Variants in CEMP1 observed in about 807,000 individuals in gnomAD.
The protein encoded by CEMP1 is cementum protein 1, also known as cementoblastoma-derived protein 1.
For synonymous variants in CEMP1, 161 were observed against 128.6 expected (o/e 1.25, Z -1.71); for missense variants, 387 against 316.9 (o/e 1.22, Z -1.68).
In CEMP1 at chr16:2,531,186, C is replaced by A; in HGVS notation, c.-113G>T. 1 of 1,353,768 alleles carries A rather than the reference C, an allele frequency of 7.4e-7. No homozygotes were observed. The highest frequency in any genetic ancestry group is 1.5e-5 in the African/African-American group (1 of 68,012). The allele number at this position is 1,353,768 out of a possible 1,614,324, so 83.9% of individuals were successfully genotyped here. Reference sequence around the variant, plus strand: ...TTTGGGCCTGGCCTGCCCCATTCACCGGCCAGCGCCCCACCTCCCTGGCTG... The same window carrying A: ...TTTGGGCCTGGCCTGCCCCATTCACAGGCCAGCGCCCCACCTCCCTGGCTG... On this transcript the variant is annotated 5_prime_UTR_variant, in exon 1 of 1. Transcript: ENST00000567119.
chr16:2,531,100 GT>G lies in CEMP1; in HGVS notation c.-28del, dbSNP rs767214081. The G allele has an allele frequency of 5.2e-3, 8,110 of 1,565,088 alleles. 28 individuals carry two copies. The highest frequency in any genetic ancestry group is 6.3e-3 in the Non-Finnish European group (7,202 of 1,151,668). Reference sequence around the variant, plus strand: ...CTCAGCTAAAACCCAGAGCTGGCATGTTGGTCATCCCCACCTCAGACGGGAC... The same window carrying G: ...CTCAGCTAAAACCCAGAGCTGGCATGTGGTCATCCCCACCTCAGACGGGAC... On this transcript the variant is annotated 5_prime_UTR_variant, in exon 1 of 1. The change abolishes the stop of an existing upstream ORF in the 5' untranslated region. Coordinates refer to ENST00000567119, the MANE Select transcript of CEMP1 (RefSeq NM_001048212.3).
rs1411638705 is a variant in CEMP1 at position 2,530,259 on chromosome 16, C to T, written c.*71G>A. On this transcript the variant is annotated 3_prime_UTR_variant, in exon 1 of 1. Transcript: ENST00000567119. ...CCTATCTCTTCACACATCCCCAGGC[C>T]CAGTGCTTGCCGGCTGTGGTGACCC... 1 of 1,610,270 alleles carries T rather than the reference C, an allele frequency of 6.2e-7. No homozygotes were observed. The highest frequency in any genetic ancestry group is 8.5e-7 in the Non-Finnish European group (1 of 1,178,438).
In CEMP1 at chr16:2,531,042, G is replaced by A; in HGVS notation, c.32C>T (p.Ala11Val). 1.3e-6 allele frequency: 2 copies of A among 1,598,146 alleles called. No homozygotes were observed. Among genetic ancestry groups the A allele is most frequent in the Non-Finnish European group, 1.7e-6 (2 of 1,168,120 alleles). ...AGAGGTTGAGCATCGCCTGTGCCCA[G>A]CTTGCTGGCTGTCAGTGCTTGATGT... MGTSSTDSQQAGHRRCSTSNT... is the reference protein window; with the variant it reads MGTSSTDSQQVGHRRCSTSNT... Residue 11 changes from alanine to valine, a missense_variant, in exon 1 of 1, where the codon GCT (alanine) becomes GTT (valine). Transcript: ENST00000567119.
chr16:2,530,899 CCG>C, intron 1 of CEMP1: 1 of 1,613,546 alleles, frequency 6.2e-7, no homozygotes, highest in Non-Finnish European at 8.5e-7. Context: ...GCCTTGACGG[CCG>C]CGCACCCCTT....
Position 2,531,149 on chromosome 16 carries a change from C to G in CEMP1, c.-76G>C. On this transcript the variant is annotated 5_prime_UTR_variant, in exon 1 of 1. Coordinates refer to ENST00000567119, the MANE Select transcript of CEMP1 (RefSeq NM_001048212.3). ...GACGCCCAGTCCAGAGCTGGTGAGC[C>G]CTGGGCCAGCCTTTGGGCCTGGCCT... The G allele has an allele frequency of 6.6e-7, 1 of 1,507,046 alleles. No individual in the cohort carries two copies. The highest frequency in any genetic ancestry group is 2.1e-5 in the Admixed American group (1 of 46,952). The allele number at this position is 1,507,046 out of a possible 1,614,324, so 93.4% of individuals were successfully genotyped here.
Position 2,530,406 on chromosome 16 carries a change from G to A in CEMP1, c.668C>T (p.Thr223Met), listed in dbSNP as rs558847727. Reference protein sequence around the residue: ...HPPRSCSGSLTARVCHMGVCQ... With the variant: ...HPPRSCSGSLMARVCHMGVCQ... ...CACACCCATGTGGCAAACACGGGCCGTGAGGCTCCCTGAACAGCTTCGAGG... is the reference window on the plus strand; with the variant it reads ...CACACCCATGTGGCAAACACGGGCCATGAGGCTCCCTGAACAGCTTCGAGG... Residue 223 changes from threonine (T) to methionine (M), a missense_variant, in exon 1 of 1, where the codon ACG becomes ATG. Thr to Met is a moderately conservative substitution (Grantham distance 81, BLOSUM62 -1). Transcript: ENST00000567119. 40 of 1,614,180 alleles carry A rather than the reference G, an allele frequency of 2.5e-5. No individual in the cohort carries two copies. Among genetic ancestry groups the A allele is most frequent in the South Asian group, 9.9e-5 (9 of 91,092 alleles).
chr16:2,531,300 A>C lies in CEMP1; in HGVS notation c.-227T>G. ...GGGGCCCAGGGTCAGGGTGAGAGAG[A>C]GCTGGGCCAGGGAGCTGCTGCAGGA... On this transcript the variant is annotated 5_prime_UTR_variant, in exon 1 of 1. Transcript: ENST00000567119. 1.8e-6 allele frequency: 1 copy of C among 560,770 alleles called. No homozygotes were observed. Among genetic ancestry groups the C allele is most frequent in the Non-Finnish European group, 3.2e-6 (1 of 310,196 alleles). The allele number at this position is 560,770 out of a possible 1,614,324, so 34.7% of individuals were successfully genotyped here.
Position 2,530,665 on chromosome 16 carries a change from G to A in CEMP1, c.409C>T (p.His137Tyr). ...QTILSLWTWR[H>Y]FLNWALQQRE... Reference sequence around the variant, plus strand: ...TGCTGCAAAGCCCAGTTAAGGAAATGTCTCCAGGTCCAAAGAGATAGGATG... The same window carrying A: ...TGCTGCAAAGCCCAGTTAAGGAAATATCTCCAGGTCCAAAGAGATAGGATG... Residue 137 changes from histidine to tyrosine, a missense_variant, in exon 1 of 1, where the codon CAT (histidine) becomes TAT (tyrosine). Coordinates refer to ENST00000567119, the MANE Select transcript of CEMP1 (RefSeq NM_001048212.3). 1 of 1,614,184 alleles carries A rather than the reference G, an allele frequency of 6.2e-7. No individual in the cohort carries two copies. The highest frequency in any genetic ancestry group is 1.6e-4 in the Middle Eastern group (1 of 6,062).
Position 2,530,435 on chromosome 16 carries a change from G to C in CEMP1, c.639C>G (p.His213Gln), listed in dbSNP as rs769827690. ...GGCTCCCTGAACAGCTTCGAGGCGG[G>C]TGGGCTTCTGGAGCCCTCTTGGCTC... ...VLRAKRAPEA[H>Q]PPRSCSGSLT... The change falls in exon 1 of 1, where the codon CAC becomes CAG. Residue 213 changes from histidine (H) to glutamine (Q), a missense_variant. Transcript: ENST00000567119. 6.2e-7 allele frequency: 1 copy of C among 1,614,088 alleles called. No individual in the cohort carries two copies. Among genetic ancestry groups the C allele is most frequent in the Middle Eastern group, 1.6e-4 (1 of 6,062 alleles).
At position 2,530,379 on chromosome 16, in the gene CEMP1, C is replaced by G. The variant is rs369689531; in HGVS notation, c.695G>C (p.Cys232Ser). 5.6e-6 allele frequency: 9 copies of G among 1,613,872 alleles called. No homozygotes were observed. The highest frequency in any genetic ancestry group is 1.3e-5 in the African/African-American group (1 of 74,944). The change falls in exon 1 of 1, where the codon TGC (cysteine) becomes TCC (serine). Residue 232 changes from cysteine to serine, a missense_variant. By Grantham distance (112) the Cys-to-Ser change is moderately radical (BLOSUM62 -1). Coordinates refer to ENST00000567119, the MANE Select transcript of CEMP1 (RefSeq NM_001048212.3). ...ATCTTCTGTGTCCCCTTGGCCCTGG[C>G]ACACACCCATGTGGCAAACACGGGC... ...LTARVCHMGV[C>S]QGQGDTEDGR... is the part of the protein sequence containing the mutation.
Position 2,530,441 on chromosome 16 carries a change from T to C in CEMP1, c.633A>G (p.Glu211=), listed in dbSNP as rs371692933. Residue 211 remains glutamate (E), a synonymous_variant, in exon 1 of 1, where the codon GAA becomes GAG. Transcript: ENST00000567119. ...CTGAACAGCTTCGAGGCGGGTGGGC[T>C]TCTGGAGCCCTCTTGGCTCTGAGGA... ...VAVLRAKRAP[E]AHPPRSCSGS... is the part of the protein sequence containing the mutation. The C allele has an allele frequency of 5.0e-6, 8 of 1,613,896 alleles. No homozygotes were observed. The highest frequency in any genetic ancestry group is 3.3e-5 in the South Asian group (3 of 91,088).
Position 2,530,149 on chromosome 16 carries a change from C to T in CEMP1, c.*181G>A. ...TCTGACCTCCAGGAGGGAGACTGGGCCCGGGACCCCTGTTTTCTGCTCCCT... is the reference window on the plus strand; with the variant it reads ...TCTGACCTCCAGGAGGGAGACTGGGTCCGGGACCCCTGTTTTCTGCTCCCT... On this transcript the variant is annotated 3_prime_UTR_variant, in exon 1 of 1. Transcript: ENST00000567119. 4 of 1,418,770 alleles carry T rather than the reference C, an allele frequency of 2.8e-6. No homozygotes were observed. The highest frequency in any genetic ancestry group is 2.4e-4 in the Middle Eastern group (1 of 4,250). The allele number at this position is 1,418,770 out of a possible 1,614,324, so 87.9% of individuals were successfully genotyped here. A position where few individuals can be genotyped will look rare whatever the true frequency, so the allele number is the denominator to read the frequency against.
chr16:2,531,176 C>T lies in CEMP1; in HGVS notation c.-103G>A, dbSNP rs1210433978. 3 of 1,416,888 alleles carry T rather than the reference C, an allele frequency of 2.1e-6. No individual in the cohort carries two copies. Among genetic ancestry groups the T allele is most frequent in the Non-Finnish European group, 2.8e-6 (3 of 1,054,290 alleles). The allele number at this position is 1,416,888 out of a possible 1,614,324, so 87.8% of individuals were successfully genotyped here. On this transcript the variant is annotated 5_prime_UTR_variant, in exon 1 of 1. Transcript: ENST00000567119. ...TGGGCCAGCCTTTGGGCCTGGCCTGCCCCATTCACCGGCCAGCGCCCCACC... is the reference window on the plus strand; with the variant it reads ...TGGGCCAGCCTTTGGGCCTGGCCTGTCCCATTCACCGGCCAGCGCCCCACC...
In CEMP1 at chr16:2,530,903, G is replaced by A. The variant is rs767272799; in HGVS notation, c.171C>T (p.Cys57=). The change falls in exon 1 of 1, where the codon TGC becomes TGT. Residue 57 remains cysteine (C), a synonymous_variant. Transcript: ENST00000567119. ...AGAGQPLPKG[C]AAVKAEVGIP... is the part of the protein sequence containing the mutation. Reference sequence around the variant, plus strand: ...TACCCACCTCTGCCTTGACGGCCGCGCACCCCTTAGGAAGTGGCTGTCCAG... The same window carrying A: ...TACCCACCTCTGCCTTGACGGCCGCACACCCCTTAGGAAGTGGCTGTCCAG... The A allele has an allele frequency of 5.0e-6, 8 of 1,613,340 alleles. No individual in the cohort carries two copies. The highest frequency in any genetic ancestry group is 1.3e-5 in the African/African-American group (1 of 74,904).
Position 2,530,847 on chromosome 16 carries a change from C to T in CEMP1, c.227G>A (p.Arg76Lys), listed in dbSNP as rs1161503134. 1.1e-5 allele frequency: 17 copies of T among 1,613,638 alleles called. 1 individual carries two copies. Among genetic ancestry groups the T allele is most frequent in the East Asian group, 4.5e-5 (2 of 44,898 alleles). The change falls in exon 1 of 1, where the codon AGG becomes AAG. Residue 76 changes from arginine to lysine, a missense_variant. By Grantham distance (26) the Arg-to-Lys change is conservative. Transcript: ENST00000567119. ...GGAAAGCAGGCGACGGATGTGGATC[C>T]TGACCTCCTGAGAGGTGTGAGGTGC... ...IPAPHTSQEV[R>K]IHIRRLLSWA...
chr16:2,530,903 G>T, intron 1 of CEMP1: 1 of 1,613,458 alleles, frequency 6.2e-7, no homozygotes, highest in Non-Finnish European at 8.5e-7. Flanking sequence ...TGACGGCCGC[G>T]CACCCCTTAG....
chr16:2,530,496 T>A lies in CEMP1; in HGVS notation c.578A>T (p.Gln193Leu). ...KTITPDVGLHQSLTSDPTVAV... is the reference protein window; with the variant it reads ...KTITPDVGLHLSLTSDPTVAV... The stretch of plus-strand genomic sequence containing the variant: ...CACAGTGGGGTCAGACGTCAGGGAT[T>A]GGTGCAGCCCCACGTCAGGGGTGAT... The change falls in exon 1 of 1, where the codon CAA becomes CTA. Residue 193 changes from glutamine to leucine, a missense_variant. Physicochemically the swap from Gln to Leu is moderately radical, Grantham distance 113 (BLOSUM62 -2). Transcript: ENST00000567119. 1 of 1,614,114 alleles carries A rather than the reference T, an allele frequency of 6.2e-7. No homozygotes were observed. Among genetic ancestry groups the A allele is most frequent in the Non-Finnish European group, 8.5e-7 (1 of 1,179,980 alleles).
chr16:2,530,583 G>A lies in CEMP1; in HGVS notation c.491C>T (p.Pro164Leu), dbSNP rs531558523. ...GTGGCTCCCTTCCCCCTTGCTTACAGGTGCTGTCCTGGGCACAGGAGGTAC... is the reference window on the plus strand; with the variant it reads ...GTGGCTCCCTTCCCCCTTGCTTACAAGTGCTGTCCTGGGCACAGGAGGTAC... ...RRVPPVPRTA[P>L]VSKGEGSHPP... The change falls in exon 1 of 1, where the codon CCT (proline) becomes CTT (leucine). Residue 164 changes from proline (P) to leucine (L), a missense_variant. Coordinates refer to ENST00000567119, the MANE Select transcript of CEMP1 (RefSeq NM_001048212.3). The A allele has an allele frequency of 6.2e-7, 1 of 1,614,174 alleles. No homozygotes were observed. The highest frequency in any genetic ancestry group is 1.1e-5 in the South Asian group (1 of 91,086).
chr16:2,530,716 A>C lies in CEMP1; in HGVS notation c.358T>G (p.Ser120Ala). ...GTCTGGGCCCCACCTGTTGGAAGGG[A>C]ACAGCCAGGGAAGAACCACCTGCCT... ...CPGRWFFPGC[S>A]LPTGGAQTIL... Residue 120 changes from serine (S) to alanine (A), a missense_variant, in exon 1 of 1, where the codon TCC (serine) becomes GCC (alanine). Coordinates refer to ENST00000567119, the MANE Select transcript of CEMP1 (RefSeq NM_001048212.3). The C allele has an allele frequency of 6.2e-7, 1 of 1,614,014 alleles. No homozygotes were observed. Among genetic ancestry groups the C allele is most frequent in the Non-Finnish European group, 8.5e-7 (1 of 1,180,016 alleles).
Sources: gnomAD v4.1 joint callset for allele counts on GRCh38, gnomAD v4.1.1 for gene constraint, MANE v1.5 for transcripts, NCBI Gene and HGNC (gene_info 2026-07-23, HGNC 2026-07-21) for gene names.